ZMAT1: variants seen among roughly 807,000 people sequenced by gnomAD.
The protein encoded by ZMAT1 is zinc finger matrin-type 1, also known as zinc finger matrin-type protein 1.
Under a neutral mutation model 18.5 loss-of-function variants are expected in ZMAT1, and 11 were observed. The ratio of observed to expected loss-of-function variants is 0.59; its 90% confidence interval spans 0.37 to 0.98. The LOEUF (loss-of-function observed/expected upper bound fraction) is 0.98, where lower values mean the gene tolerates loss of function less well. Ranked by LOEUF, ZMAT1 falls within the 50% of genes least tolerant of loss-of-function variation. ZMAT1 has a pLI of 0.01. For missense variants in ZMAT1, 525 were observed against 496.2 expected (o/e 1.06, Z -0.55); for synonymous variants, 211 against 176.4 (o/e 1.20, Z -1.55).
chrX:101,891,870 A>C (rs148411163), intron 4 of ZMAT1, among the ~76,000 whole-genome samples: 46 of 111,463 alleles, frequency 4.1e-4, no homozygotes, highest in Middle Eastern at 4.6e-3. Flanking sequence ...TGAGTAAATA[A>C]TAAGTGGAGA....
At chrX:101,909,541 G>A (rs921672237) in intron 1 of ZMAT1, among the ~76,000 whole-genome samples, 5 of 111,838 alleles carry the variant, frequency 4.5e-5, no homozygotes, top group Non-Finnish European at 9.4e-5. Flanking sequence ...CGAGCTCACA[G>A]CGCTGAAATG....
intron 1 of ZMAT1, among the ~76,000 whole-genome samples, chrX:101,923,561 T>C (rs913685191): frequency 3.6e-5 from 4 of 111,264 alleles, no homozygotes; most frequent in African/African-American, 6.5e-5. Context: ...AATCAAAGGG[T>C]CCCAATATTT....
At chrX:101,917,618 G>C (rs1200937784) in intron 1 of ZMAT1, among the ~76,000 whole-genome samples, 2 of 112,268 alleles carry the variant, frequency 1.8e-5, no homozygotes, top group Non-Finnish European at 3.8e-5. Flanking sequence ...CTACTAAGGA[G>C]ACCAGTTTGG....
intron 4 of ZMAT1, chrX:101,894,501 A>G: frequency 1.4e-6 from 1 of 737,569 alleles, no homozygotes; most frequent in Non-Finnish European, 1.6e-6. Flanking sequence ...AATGGCTATG[A>G]GGCATCCAGG....
Position 101,931,770 on chromosome X carries a change from G to C in ZMAT1, c.239C>G (p.Ala80Gly). ...GGFGGSTMAA[A>G]GRGGSSFKVD... The stretch of plus-strand genomic sequence containing the variant: ...TTTAAAACTACTGCCCCCCCTCCCC[G>C]CCGCCGCCATAGTGGAGCCGCCAAA... The change falls in exon 1 of 6, where the codon GCG (alanine) becomes GGG (glycine). Residue 80 changes from alanine to glycine, a missense_variant. Coordinates refer to ENST00000651725, the MANE Select transcript of ZMAT1 (RefSeq NM_001394560.1). 2.6e-6 allele frequency: 2 copies of C among 770,173 alleles called. No individual in the cohort carries two copies. The highest frequency in any genetic ancestry group is 3.1e-6 in the Non-Finnish European group (2 of 650,789). 63.5% of individuals were successfully genotyped at this position (770,173 alleles called of 1,213,427 possible).
At position 101,882,877 on chromosome X, in the gene ZMAT1, T is replaced by C. The variant is rs1281442193; in HGVS notation, c.*633A>G. On this transcript the variant is annotated 3_prime_UTR_variant, in exon 6 of 6. Coordinates refer to ENST00000651725, the MANE Select transcript of ZMAT1 (RefSeq NM_001394560.1). ...AACATGAATTTTATAAAACCAAACT[T>C]TTTTTCCTTCAACTTTGAAGGAACA... is the stretch of plus-strand genomic sequence containing the variant. 1.8e-5 allele frequency: 2 copies of C among 110,307 alleles called. No individual in the cohort carries two copies. Among genetic ancestry groups the C allele is most frequent in the Non-Finnish European group, 3.8e-5 (2 of 52,570 alleles). 9.1% of individuals were successfully genotyped at this position (110,307 alleles called of 1,213,427 possible).
At chrX:101,914,178 G>A (rs751582489) in intron 1 of ZMAT1, among the ~76,000 whole-genome samples, 61 of 110,473 alleles carry the variant, frequency 5.5e-4, no homozygotes, top group Non-Finnish European at 1.0e-3. Context: ...AAAACCTATG[G>A]AATACAGCAA....
chrX:101,895,634 T>C (rs1341928688), intron 4 of ZMAT1, among the ~76,000 whole-genome samples: 1 of 110,475 alleles, frequency 9.1e-6, no homozygotes, highest in Non-Finnish European at 1.9e-5. Context: ...CTCTCTTATT[T>C]TGTCTAAAAA....
intron 4 of ZMAT1, chrX:101,890,027 A>G (rs1444771672): frequency 1.8e-5 from 2 of 112,251 alleles, no homozygotes; most frequent in Middle Eastern, 9.2e-3. Context: ...CTATTCTGTG[A>G]TGGGTACTAT....
chrX:101,896,488 TA>T (rs1435137256), intron 4 of ZMAT1, among the ~76,000 whole-genome samples: 4 of 112,289 alleles, frequency 3.6e-5, no homozygotes, highest in Non-Finnish European at 7.5e-5. Flanking sequence ...AAAAAATGTA[TA>T]AAAATTAGAG....
At chrX:101,887,706 C>T (rs1203884989) in intron 4 of ZMAT1, 1 of 111,335 alleles carries the variant, frequency 9.0e-6, no homozygotes, top group Non-Finnish European at 1.9e-5. Context: ...AAGATGCTGA[C>T]TCTGAAGAAA....
intron 1 of ZMAT1, among the ~76,000 whole-genome samples, chrX:101,920,865 C>T (rs1414374598): frequency 9.0e-6 from 1 of 111,205 alleles, no homozygotes; most frequent in East Asian, 2.8e-4. Context: ...ATGATCAGTT[C>T]GGATGGGAAT....
At chrX:101,896,568 G>A (rs945843894) in intron 4 of ZMAT1, among the ~76,000 whole-genome samples, 3 of 112,144 alleles carry the variant, frequency 2.7e-5, no homozygotes, top group Non-Finnish European at 5.6e-5. Flanking sequence ...CATATCTTGT[G>A]GCATTGACTT....
chrX:101,925,642 A>G (rs892023988), intron 1 of ZMAT1, among the ~76,000 whole-genome samples: 1 of 112,892 alleles, frequency 8.9e-6, no homozygotes, highest in Non-Finnish European at 1.9e-5. Flanking sequence ...GTTAAATGAA[A>G]TAATTTTTAA....
At chrX:101,929,611 T>TA (rs1930352814) in intron 1 of ZMAT1, among the ~76,000 whole-genome samples, 1 of 109,427 alleles carries the variant, frequency 9.1e-6, no homozygotes, top group East Asian at 2.9e-4. Flanking sequence ...GAATGAAGGA[T>TA]ATATAGCTAA....
At chrX:101,922,388 G>C (rs1391599301) in intron 1 of ZMAT1, among the ~76,000 whole-genome samples, 1 of 109,199 alleles carries the variant, frequency 9.2e-6, no homozygotes, top group Non-Finnish European at 1.9e-5. Context: ...TCTTAGAAAG[G>C]CTAGGCCTTT....
At chrX:101,902,955 C>T (rs949035682) in intron 2 of ZMAT1, among the ~76,000 whole-genome samples, 42 of 111,231 alleles carry the variant, frequency 3.8e-4, no homozygotes, top group Admixed American at 1.2e-3. Flanking sequence ...ATATTGGAAT[C>T]ACAGAAGCAA....
rs1347817873 is a variant in ZMAT1, at chrX:101,882,803, T to C, written c.*707A>G. 1 of 111,161 alleles carries C rather than the reference T, an allele frequency of 9.0e-6. No individual in the cohort carries two copies. The highest frequency in any genetic ancestry group is 2.8e-4 in the East Asian group (1 of 3,554). 9.2% of individuals were successfully genotyped at this position (111,161 alleles called of 1,213,427 possible). Reference sequence around the variant, plus strand: ...GGCATACTGAATACTTTTACTTCACTTGGCTTTTTTAGAGATTAAAGTAGC... The same window carrying C: ...GGCATACTGAATACTTTTACTTCACCTGGCTTTTTTAGAGATTAAAGTAGC... On this transcript the variant is annotated 3_prime_UTR_variant, in exon 6 of 6. Transcript: ENST00000651725.
At position 101,922,726 on chromosome X, in the gene ZMAT1, A is replaced by T. The variant is rs757602012; in HGVS notation, c.292+8991T>A. On this transcript the variant is annotated intron_variant, in intron 1 of 5. Coordinates refer to ENST00000651725, the MANE Select transcript of ZMAT1 (RefSeq NM_001394560.1). ...TCCAGGCTTGACATATGTAAGAAACATATGTCTGATTCACAAGAGATGCTA... is the reference window on the plus strand; with the variant it reads ...TCCAGGCTTGACATATGTAAGAAACTTATGTCTGATTCACAAGAGATGCTA... Among the ~76,000 whole-genome samples, 9 of 111,233 alleles carry T rather than the reference A, an allele frequency of 8.1e-5. No homozygotes were observed. In the East Asian group the frequency reaches 2.3e-3, roughly 28 times the overall value.
Sources: allele counts gnomAD v4.1 joint callset (sites outside exome capture counted in the v4.1 genomes callset), GRCh38; gene constraint gnomAD v4.1.1; transcripts MANE v1.5; gene names NCBI Gene and HGNC (gene_info 2026-07-23, HGNC 2026-07-21).